DYNC2I1: variants seen among roughly 807,000 people sequenced by gnomAD.
The protein encoded by DYNC2I1 is dynein 2 intermediate chain 1.
DYNC2I1 carries 89 observed loss-of-function variants against 133.4 expected under a neutral mutation model. The ratio of observed to expected loss-of-function variants is 0.67; its 90% CI spans 0.56 to 0.80. DYNC2I1 has a LOEUF of 0.80. Ranked by LOEUF, DYNC2I1 falls within the 30% of genes least tolerant of loss-of-function variation. DYNC2I1 has a pLI of 0.00. For missense variants in DYNC2I1, 1,291 were observed against 1,314.5 expected (o/e 0.98, Z 0.28); for synonymous variants, 504 against 484.3 (o/e 1.04, Z -0.54).
At chr7:158,868,450 T>G (rs1842600916) in intron 1 of DYNC2I1, among the ~76,000 whole-genome samples, 4 of 152,212 alleles carry the variant, frequency 2.6e-5, no homozygotes, top group Admixed American at 2.6e-4. Context: ...AGGTGGATTA[T>G]CCAACGAGGA....
chr7:158,936,704 A>G (rs1013088156), intron 23 of DYNC2I1, among the ~76,000 whole-genome samples: 10 of 152,218 alleles, frequency 6.6e-5, no homozygotes, highest in Admixed American at 6.5e-4. Flanking sequence ...GGCCGCTCAT[A>G]GCACCATGCT....
Position 158,911,127 on chromosome 7 carries a change from G to A in DYNC2I1, c.1461-423G>A, listed in dbSNP as rs565971105. On this transcript the variant is annotated intron_variant, in intron 11 of 24. Transcript: ENST00000407559. ...TGGCTGTGGCCTGGAAAAGAGCGTG[G>A]CCCAAAACACTTACTGGCTGCGTGG... Among the ~76,000 whole-genome samples the A allele has an allele frequency of 4.6e-4, 70 of 152,324 alleles. 1 individual carries two copies. In the South Asian group the frequency reaches 0.014, roughly 31 times the overall value.
At chr7:158,915,179 G>C (rs1430799262) in intron 14 of DYNC2I1, among the ~76,000 whole-genome samples, 1 of 149,738 alleles carries the variant, frequency 6.7e-6, no homozygotes, top group African/African-American at 2.5e-5. Flanking sequence ...TGGTTGACAG[G>C]ATGATTGTGA....
Position 158,922,369 on chromosome 7 carries a change from C to T in DYNC2I1, c.1922-8C>T. The T allele has an allele frequency of 6.2e-7, 1 of 1,606,172 alleles. No homozygotes were observed. The highest frequency in any genetic ancestry group is 1.1e-5 in the South Asian group (1 of 89,750). ...GTTGAAATGTGAACATATTTTTCTT[C>T]TCCCTAGATCGAAAAGTATCCTCCT... On this transcript the variant is annotated splice_region_variant and splice_polypyrimidine_tract_variant and intron_variant, in intron 15 of 24. Transcript: ENST00000407559.
chr7:158,906,168 G>A (rs1056363369), intron 11 of DYNC2I1, 77 bp downstream of exon 11: 15 of 1,347,420 alleles, frequency 1.1e-5, no homozygotes, highest in Non-Finnish European at 1.5e-5. Context: ...TTAAAAAATC[G>A]AGTTTTAAAA....
Position 158,934,535 on chromosome 7 carries a change from G to A in DYNC2I1, c.2764G>A (p.Glu922Lys), listed in dbSNP as rs760751128. The A allele has an allele frequency of 6.4e-6, 10 of 1,552,674 alleles. No homozygotes were observed. Residue 922 changes from glutamate (E) to lysine (K), a missense_variant, in exon 23 of 25, where the codon GAA (glutamate) becomes AAA (lysine). Physicochemically the swap from Glu to Lys is moderately conservative, Grantham distance 56. Coordinates refer to ENST00000407559, the MANE Select transcript of DYNC2I1 (RefSeq NM_018051.5). ...TGTCATTGATTTTTCACCATTTGGA[G>A]AACCAATATTTTTGGTAAGAAAGTT... ...VNVIDFSPFG[E>K]PIFLAGCSDG...
chr7:158,907,674 A>G (rs1483935133), intron 11 of DYNC2I1, among the ~76,000 whole-genome samples: 1 of 151,798 alleles, frequency 6.6e-6, no homozygotes, highest in East Asian at 1.9e-4. Flanking sequence ...CAGTGGCATG[A>G]TCTTGGTTTG....
chr7:158,848,576 A>G, the DYNC2I1 span, among the ~76,000 whole-genome samples: 1 of 152,190 alleles, frequency 6.6e-6, no homozygotes, highest in Admixed American at 6.5e-5. Context: ...AAATGAAGTA[A>G]AATAAAATGA....
intron 17 of DYNC2I1, among the ~76,000 whole-genome samples, chr7:158,925,948 G>C (rs766624601): frequency 8.5e-5 from 13 of 152,156 alleles, no homozygotes; most frequent in Non-Finnish European, 1.5e-4. Flanking sequence ...CTGCCTTCCA[G>C]ACTGGAGAGC....
chr7:158,925,782 C>T (rs538312505), intron 17 of DYNC2I1, among the ~76,000 whole-genome samples: 1 of 152,268 alleles, frequency 6.6e-6, no homozygotes, highest in South Asian at 2.1e-4. Flanking sequence ...CCCTTCCCAT[C>T]GGCCGTGCTG....
intron 1 of DYNC2I1, among the ~76,000 whole-genome samples, chr7:158,867,357 AC>A (rs1042306751): frequency 6.6e-6 from 1 of 152,090 alleles, no homozygotes; most frequent in African/African-American, 2.4e-5. Context: ...GGTGATAAGC[AC>A]CTGCGTGTTC....
chr7:158,938,159 C>CA (rs1330099056), intron 23 of DYNC2I1, among the ~76,000 whole-genome samples: 2 of 152,104 alleles, frequency 1.3e-5, no homozygotes, highest in Non-Finnish European at 2.9e-5. Flanking sequence ...AAGATTACCC[C>CA]AAGGCATTTA....
At chr7:158,859,783 C>G (rs1841710723) in intron 1 of DYNC2I1, among the ~76,000 whole-genome samples, 1 of 152,130 alleles carries the variant, frequency 6.6e-6, no homozygotes, top group African/African-American at 2.4e-5. Context: ...CTGTGCCAGG[C>G]CAGTAAATAA....
chr7:158,917,602 CACCTCTCACTAAACACCTCCT>C (rs1848590411), intron 14 of DYNC2I1, among the ~76,000 whole-genome samples: 26 of 136,450 alleles, frequency 1.9e-4, no homozygotes, highest in African/African-American at 6.5e-4. Context: ...CTCCACCCTC[CACCTCTCACTAAACACCTCCT>C]GTCCTCCACA....
At position 158,922,555 on chromosome 7, in the gene DYNC2I1, GC is replaced by G. The variant is rs1849206814; in HGVS notation, c.2094+7del. ...TTCTGATATGTGAGTCCCAGGTACA[GC>G]TCAGGATGAGAGTCGCACGTTTGAT... On this transcript the variant is annotated splice_region_variant and intron_variant, in intron 16 of 24. Transcript: ENST00000407559. 3.1e-6 allele frequency: 5 copies of G among 1,612,960 alleles called. No homozygotes were observed. Among genetic ancestry groups the G allele is most frequent in the Non-Finnish European group, 2.5e-6 (3 of 1,179,424 alleles).
chr7:158,844,270 T>G, the DYNC2I1 span, among the ~76,000 whole-genome samples: 1 of 152,184 alleles, frequency 6.6e-6, no homozygotes, highest in Non-Finnish European at 1.5e-5. Flanking sequence ...GTTTCTTTCC[T>G]CTCCTCTCTT....
intron 1 of DYNC2I1, among the ~76,000 whole-genome samples, chr7:158,860,335 A>C (rs1841762898): frequency 1.3e-5 from 2 of 152,244 alleles, no homozygotes. Flanking sequence ...CTGGGATTAC[A>C]GGCGTGAGCC....
chr7:158,905,130 C>CTT, intron 10 of DYNC2I1: 2 of 352,040 alleles, frequency 5.7e-6, no homozygotes, highest in Non-Finnish European at 5.5e-6. Flanking sequence ...TTGTTCTTGT[C>CTT]TTTCTTTTTC....
intron 8 of DYNC2I1, among the ~76,000 whole-genome samples, chr7:158,895,854 T>C (rs1381708500): frequency 6.6e-6 from 1 of 152,224 alleles, no homozygotes; most frequent in Non-Finnish European, 1.5e-5. Flanking sequence ...TTTTGTTAGA[T>C]TAATACCTGT....
Sources: gnomAD v4.1 joint callset for allele counts (sites outside exome capture counted in the v4.1 genomes callset) on GRCh38, gnomAD v4.1.1 for gene constraint, MANE v1.5 for transcripts, NCBI Gene and HGNC (gene_info 2026-07-23, HGNC 2026-07-21) for gene names.